Variants in SMG7 observed in about 807,000 individuals in gnomAD.
SMG7 encodes nonsense-mediated mRNA decay factor SMG7.
SMG7 carries 34 observed loss-of-function variants against 148.2 expected under a neutral mutation model. That is an observed-to-expected ratio of 0.23 (90% CI 0.17 to 0.31). The LOEUF is 0.31. Among genes scored for constraint, SMG7 ranks in the 10% least tolerant of loss-of-function variants. SMG7 has a pLI of 1.00. For missense variants in SMG7, 1,114 were observed against 1,408.4 expected (o/e 0.79, Z 3.35); for synonymous variants, 492 against 515.1 (o/e 0.96, Z 0.61).
At chr1:183,484,229 T>G (rs1416824714) in intron 1 of SMG7, among the ~76,000 whole-genome samples, 1 of 152,118 alleles carries the variant, frequency 6.6e-6, no homozygotes, top group Non-Finnish European at 1.5e-5. Flanking sequence ...TACTTGCACA[T>G]AACCTGCATA....
Position 183,545,988 on chromosome 1 carries a change from A to T in SMG7, c.2393A>T (p.Lys798Ile), listed in dbSNP as rs770000200. 6.2e-7 allele frequency: 1 copy of T among 1,604,654 alleles called. No individual in the cohort carries two copies. Among genetic ancestry groups the T allele is most frequent in the Non-Finnish European group, 8.5e-7 (1 of 1,176,616 alleles). Residue 798 changes from lysine (K) to isoleucine (I), a missense_variant, in exon 17 of 23, where the codon AAA becomes ATA. Physicochemically the swap from Lys to Ile is moderately radical, Grantham distance 102. Transcript: ENST00000688051. ...FQQYQQADAS[K>I]QLWNPPQVQG... ...TAGTATCAACAGGCAGATGCCTCCA[A>T]ACAGCTGTGGAATCCCCCTCAGGTT...
Position 183,545,278 on chromosome 1 carries a change from G to C in SMG7, c.2336G>C (p.Gly779Ala). 6.2e-7 allele frequency: 1 copy of C among 1,611,990 alleles called. No individual in the cohort carries two copies. Among genetic ancestry groups the C allele is most frequent in the Non-Finnish European group, 8.5e-7 (1 of 1,179,962 alleles). ...QSPTKAVPAL[G>A]KSPPHHSGFQ... ...CCTACAAAAGCTGTGCCGGCTTTGG[G>C]GAAAAGCCCGCCTCACCACTCTGGA... The change falls in exon 16 of 23, where the codon GGG (glycine) becomes GCG (alanine). Residue 779 changes from glycine to alanine, a missense_variant. Coordinates refer to ENST00000688051, the MANE Select transcript of SMG7 (RefSeq NM_001375584.1).
chr1:183,511,956 G>A (rs560025121), intron 1 of SMG7, among the ~76,000 whole-genome samples: 2 of 152,298 alleles, frequency 1.3e-5, no homozygotes, highest in African/African-American at 4.8e-5. Flanking sequence ...CATTTGCTAA[G>A]ATGAAACAAC....
Position 183,546,081 on chromosome 1 carries a change from A to G in SMG7, c.2486A>G (p.Lys829Arg). 1 of 1,614,076 alleles carries G rather than the reference A, an allele frequency of 6.2e-7. No individual in the cohort carries two copies. The highest frequency in any genetic ancestry group is 1.3e-5 in the African/African-American group (1 of 75,026). ...TACCTTCAGACCCAAGACCCCATAAAACTGTTTGAGCCGTCATTGCAACCT... is the reference window on the plus strand; with the variant it reads ...TACCTTCAGACCCAAGACCCCATAAGACTGTTTGAGCCGTCATTGCAACCT... ...PYYLQTQDPI[K>R]LFEPSLQPPV... Residue 829 changes from lysine (K) to arginine (R), a missense_variant, in exon 17 of 23, where the codon AAA (lysine) becomes AGA (arginine). By Grantham distance (26) the Lys-to-Arg change is conservative (BLOSUM62 2). This residue lies in a region of SMG7 where 788 missense variants were observed against 894.5 expected (regional missense o/e 0.88). Transcript: ENST00000688051.
chr1:183,517,278 T>C (rs1663756426), intron 3 of SMG7, among the ~76,000 whole-genome samples: 2 of 152,202 alleles, frequency 1.3e-5, no homozygotes, highest in African/African-American at 4.8e-5. Flanking sequence ...ATTTACAAAA[T>C]CCCTGCCCCC....
At position 183,533,748 on chromosome 1, in the gene SMG7, C is replaced by T. The variant is rs1402877676; in HGVS notation, c.1079C>T (p.Pro360Leu). The T allele has an allele frequency of 3.1e-6, 5 of 1,613,374 alleles. No individual in the cohort carries two copies. The South Asian group carries it at 4.4e-5, about 14-fold the overall frequency. ...CAGGAGGAGTCCTACAATGCCTATC[C>T]TCTTCCAGCAGTCAAGGTCTCCATG... ...ESQEESYNAY[P>L]LPAVKVSMDW... The change falls in exon 10 of 23, where the codon CCT (proline) becomes CTT (leucine). Residue 360 changes from proline to leucine, a missense_variant. Around this residue, in one of 4 missense-constraint regions of SMG7, gnomAD observed 102 missense variants for 147.2 expected, o/e 0.69. Transcript: ENST00000688051.
intron 3 of SMG7, 48 bp from the exon 4 acceptor site, chr1:183,517,640 G>A: frequency 6.3e-7 from 1 of 1,593,106 alleles, no homozygotes; most frequent in East Asian, 2.2e-5. Context: ...ACCAGTGTCT[G>A]CCCAGTGAGT....
intron 1 of SMG7, among the ~76,000 whole-genome samples, chr1:183,483,195 T>C (rs184746532): frequency 6.6e-6 from 1 of 152,290 alleles, no homozygotes; most frequent in Non-Finnish European, 1.5e-5. Context: ...TTGGGTTCTT[T>C]TCTCAGATCG....
At chr1:183,538,042 G>A (rs112727325) in intron 11 of SMG7, among the ~76,000 whole-genome samples, 88 of 152,268 alleles carry the variant, frequency 5.8e-4, no homozygotes, top group Middle Eastern at 3.4e-3. Context: ...TGATGTCAAT[G>A]TTATTCAATA....
rs1209931862 is a variant in SMG7 at position 183,505,337 on chromosome 1, G to C, written c.30-7500G>C. Among the ~76,000 whole-genome samples the C allele has an allele frequency of 3.3e-5, 5 of 152,094 alleles. No individual in the cohort carries two copies. The East Asian group carries it at 9.6e-4, about 29-fold the overall frequency. ...ATTTATCTCATAGTACTTTTCTGCT[G>C]TCTGTGATATTGATGACTACTCTTC... On this transcript the variant is annotated intron_variant, in intron 1 of 22. Transcript: ENST00000688051.
chr1:183,523,809 C>G (rs1286497132), intron 4 of SMG7, among the ~76,000 whole-genome samples: 2 of 151,940 alleles, frequency 1.3e-5, no homozygotes, highest in Non-Finnish European at 2.9e-5. Flanking sequence ...TGTGATCTTT[C>G]TTTTTTGTTT....
intron 10 of SMG7, among the ~76,000 whole-genome samples, chr1:183,536,322 C>G (rs958645246): frequency 6.6e-6 from 1 of 152,066 alleles, no homozygotes. Context: ...CTATTCCTCA[C>G]CCCAGCAAAT....
At chr1:183,489,524 A>G (rs1656395756) in intron 1 of SMG7, among the ~76,000 whole-genome samples, 1 of 152,130 alleles carries the variant, frequency 6.6e-6, no homozygotes, top group Non-Finnish European at 1.5e-5. Flanking sequence ...TTGACCATAG[A>G]GAAATAGTAG....
intron 1 of SMG7, among the ~76,000 whole-genome samples, chr1:183,494,022 C>T (rs1657753549): frequency 6.6e-6 from 1 of 152,072 alleles, no homozygotes; most frequent in Non-Finnish European, 1.5e-5. Flanking sequence ...GGGTCTTGCT[C>T]TGTTGCCCAG....
At chr1:183,485,930 A>G (rs1256282028) in intron 1 of SMG7, among the ~76,000 whole-genome samples, 1 of 152,208 alleles carries the variant, frequency 6.6e-6, no homozygotes, top group African/African-American at 2.4e-5. Context: ...ATTTATTGTT[A>G]CCTGAAATTG....
intron 3 of SMG7, 158 bp from the exon 4 acceptor site, chr1:183,517,530 G>A (rs1663817862): frequency 1.4e-6 from 1 of 725,596 alleles, no homozygotes; most frequent in African/African-American, 1.8e-5. Context: ...TTGTTCAAAG[G>A]GAAGCATAAA....
At chr1:183,545,788 T>A (rs1192580292) in intron 16 of SMG7, among the ~76,000 whole-genome samples, 178 bp from the exon 17 acceptor site, 6 of 152,230 alleles carry the variant, frequency 3.9e-5, no homozygotes, top group Non-Finnish European at 7.3e-5. Context: ...GTGGTGCCCA[T>A]AATCTGTTTC....
intron 20 of SMG7, among the ~76,000 whole-genome samples, chr1:183,550,345 C>A (rs1180910527): frequency 6.6e-6 from 1 of 152,158 alleles, no homozygotes; most frequent in African/African-American, 2.4e-5. Context: ...GCTGGGACTA[C>A]AGGTGCACAC....
intron 5 of SMG7, among the ~76,000 whole-genome samples, 171 bp downstream of exon 5, chr1:183,526,938 A>G (rs1481452498): frequency 6.6e-6 from 1 of 152,238 alleles, no homozygotes; most frequent in African/African-American, 2.4e-5. Context: ...TATTTTTGGG[A>G]TTGGCAGAGC....
Sources: allele counts gnomAD v4.1 joint callset (sites outside exome capture counted in the v4.1 genomes callset), GRCh38; gene constraint gnomAD v4.1.1; regional missense constraint gnomAD v4.1.1; transcripts MANE v1.5; gene names NCBI Gene and HGNC (gene_info 2026-07-23, HGNC 2026-07-21).